The following SCAPER variants were observed in gnomAD, a reference collection of about 807,000 sequenced individuals.
SCAPER encodes the protein S phase cyclin A-associated protein in the endoplasmic reticulum.
In SCAPER, 98 loss-of-function variants were observed where a neutral mutation model predicts 182.2. The observed-to-expected ratio is 0.54, with a 90% confidence interval of 0.46 to 0.64. The LOEUF is 0.64. SCAPER is among the 30% of genes least tolerant of loss of function. The pLI is 0.00. For missense variants in SCAPER, 1,432 were observed against 1,690.0 expected (o/e 0.85, Z 2.68); for synonymous variants, 605 against 564.6 (o/e 1.07, Z -1.01).
rs185492776 is a variant in SCAPER at position 76,663,882 on chromosome 15, G to A, written c.2645+1771C>T. 2.6e-4 allele frequency among the ~76,000 whole-genome samples: 40 copies of A among 152,160 alleles called. 1 individual carries two copies. The highest frequency in any genetic ancestry group is 1.6e-3 in the Admixed American group (25 of 15,262). ...CATACATCAATGAAAAAAGTCAATA[G>A]ATACAGTTAGTATGCATAGAATGGA... On this transcript the variant is annotated intron_variant, in intron 21 of 31. Coordinates refer to ENST00000563290, the MANE Select transcript of SCAPER (RefSeq NM_020843.4).
chr15:76,588,056 G>A (rs903279135), intron 22 of SCAPER, among the ~76,000 whole-genome samples: 1 of 151,988 alleles, frequency 6.6e-6, no homozygotes, highest in African/African-American at 2.4e-5. Context: ...CGAGTAGCTG[G>A]GACTACAAGC....
intron 5 of SCAPER, among the ~76,000 whole-genome samples, chr15:76,818,395 G>T (rs190224433): frequency 6.6e-6 from 1 of 152,070 alleles, no homozygotes; most frequent in South Asian, 2.1e-4. Context: ...ATGCAACAAT[G>T]AATTGTTAGA....
intron 17 of SCAPER, among the ~76,000 whole-genome samples, chr15:76,707,979 A>G (rs1368827190): frequency 2.0e-5 from 3 of 152,190 alleles, no homozygotes; most frequent in Admixed American, 1.3e-4. Context: ...ACTAAGTAAC[A>G]TGCTTCTAAA....
At chr15:76,851,895 T>C (rs998228099) in intron 4 of SCAPER, among the ~76,000 whole-genome samples, 12 of 151,734 alleles carry the variant, frequency 7.9e-5, no homozygotes, top group African/African-American at 2.2e-4. Flanking sequence ...GAGTGGCAAG[T>C]TGGATTAAAA....
At chr15:76,540,747 G>A (rs1215025461) in intron 23 of SCAPER, among the ~76,000 whole-genome samples, 1 of 151,630 alleles carries the variant, frequency 6.6e-6, no homozygotes, top group Non-Finnish European at 1.5e-5. Flanking sequence ...TTTTCAAAGG[G>A]CCTTGTAAAC....
intron 15 of SCAPER, among the ~76,000 whole-genome samples, chr15:76,745,660 C>G (rs1323704112): frequency 6.6e-6 from 1 of 152,134 alleles, no homozygotes; most frequent in African/African-American, 2.4e-5. Flanking sequence ...CCATCCATCT[C>G]TATGGAAATT....
intron 17 of SCAPER, among the ~76,000 whole-genome samples, chr15:76,722,076 C>G (rs974045291): frequency 6.6e-6 from 1 of 152,108 alleles, no homozygotes; most frequent in Admixed American, 6.5e-5. Context: ...CAATAGATAG[C>G]TCTTATTATT....
chr15:76,395,676 G>T (rs566334206), intron 27 of SCAPER, among the ~76,000 whole-genome samples: 3 of 151,978 alleles, frequency 2.0e-5, no homozygotes, highest in South Asian at 2.1e-4. Context: ...CAGATCTTTC[G>T]CCCATTTAAA....
At chr15:76,847,166 A>T (rs1182228498) in intron 4 of SCAPER, among the ~76,000 whole-genome samples, 3 of 152,140 alleles carry the variant, frequency 2.0e-5, no homozygotes, top group Non-Finnish European at 4.4e-5. Context: ...CTCAGAGAAA[A>T]TAGAATGATA....
Position 76,365,021 on chromosome 15 carries a change from C to T in SCAPER, c.3856-10881G>A, listed in dbSNP as rs903678419. On this transcript the variant is annotated intron_variant, in intron 29 of 31. Coordinates refer to ENST00000563290, the MANE Select transcript of SCAPER (RefSeq NM_020843.4). ...GTTTGTTAATTATTTCCCCCAGCCC[C>T]GAGAATGTCAGCAACTTGAGGGCAG... Among the ~76,000 whole-genome samples, 7 of 152,064 alleles carry T rather than the reference C, an allele frequency of 4.6e-5. No homozygotes were observed. In the East Asian group the frequency reaches 5.8e-4, roughly 13 times the overall value.
intron 1 of SCAPER, among the ~76,000 whole-genome samples, chr15:76,888,403 T>C (rs976045589): frequency 6.6e-6 from 1 of 152,006 alleles, no homozygotes; most frequent in African/African-American, 2.4e-5. Context: ...TTCTAACCCA[T>C]TGCAAGGAAG....
intron 25 of SCAPER, among the ~76,000 whole-genome samples, chr15:76,453,531 T>G (rs1315566341): frequency 6.6e-6 from 1 of 152,226 alleles, no homozygotes; most frequent in Non-Finnish European, 1.5e-5. Flanking sequence ...CAGATTATAT[T>G]ATCTTTGGCA....
intron 4 of SCAPER, among the ~76,000 whole-genome samples, chr15:76,857,032 T>TA (rs1390186502): frequency 6.6e-6 from 1 of 152,212 alleles, no homozygotes; most frequent in Non-Finnish European, 1.5e-5. Context: ...CAAATATCTT[T>TA]ACCATCCTAC....
At chr15:76,409,936 T>A (rs770257226) in intron 26 of SCAPER, among the ~76,000 whole-genome samples, 34 of 151,442 alleles carry the variant, frequency 2.2e-4, no homozygotes, top group Non-Finnish European at 3.2e-4. Context: ...TACAGGTGCA[T>A]GCCATCAGGC....
At chr15:76,722,712 C>T (rs945398499) in intron 17 of SCAPER, among the ~76,000 whole-genome samples, 1 of 152,180 alleles carries the variant, frequency 6.6e-6, no homozygotes. Context: ...AGTTTATTTG[C>T]ATAGAGGTGT....
At chr15:76,436,252 G>A (rs1207530555) in intron 25 of SCAPER, among the ~76,000 whole-genome samples, 1 of 152,066 alleles carries the variant, frequency 6.6e-6, no homozygotes, top group African/African-American at 2.4e-5. Context: ...ATTTTCATTA[G>A]AGACAGGGTT....
At chr15:76,720,252 A>G (rs193169418) in intron 17 of SCAPER, among the ~76,000 whole-genome samples, 2 of 152,292 alleles carry the variant, frequency 1.3e-5, no homozygotes, top group Admixed American at 6.5e-5. Context: ...TACAAAGGAC[A>G]TGAACTCATC....
chr15:76,652,377 T>C (rs1190836394), intron 21 of SCAPER, among the ~76,000 whole-genome samples: 35 of 43,394 alleles, frequency 8.1e-4, no homozygotes, highest in East Asian at 2.2e-3. Context: ...CACACATATA[T>C]ATATATATAT....
chr15:76,578,635 G>A (rs898352982), intron 22 of SCAPER, among the ~76,000 whole-genome samples: 1 of 152,232 alleles, frequency 6.6e-6, no homozygotes, highest in South Asian at 2.1e-4. Context: ...GTCTATAAGA[G>A]CCATAGTGTT....
Sources: gnomAD v4.1 joint callset for allele counts (sites outside exome capture counted in the v4.1 genomes callset) on GRCh38, gnomAD v4.1.1 for gene constraint, MANE v1.5 for transcripts, NCBI Gene and HGNC (gene_info 2026-07-23, HGNC 2026-07-21) for gene names.